FREM1: variants seen among roughly 807,000 people sequenced by gnomAD.
The protein encoded by FREM1 is FRAS1-related extracellular matrix protein 1.
Under a neutral mutation model 210.1 loss-of-function variants are expected in FREM1, and 220 were observed. That is an observed-to-expected ratio of 1.05 (90% CI 0.94 to 1.17). FREM1 has a LOEUF of 1.17. Among genes scored for constraint, FREM1 ranks in the 50% most tolerant of loss-of-function variants. The probability of loss-of-function intolerance (pLI) is 0.00; values close to 1 mark genes in which losing one functional copy is unlikely to be tolerated. For synonymous variants in FREM1, 1,189 were observed against 980.2 expected, an observed-to-expected ratio of 1.21 and a Z score of -3.98; for missense variants, 3,454 against 2,675.5, an observed-to-expected ratio of 1.29 and a Z score of -6.42.
chr9:14,761,805 G>T lies in FREM1; in HGVS notation c.5205-1904C>A, dbSNP rs527350019. On this transcript the variant is annotated intron_variant, in intron 27 of 36. Transcript: ENST00000380880. ...CACTCTGTAGCTGGCTTGGTTATCAGATTGACTGCCAGCCACAGTGTCACA... is the reference window on the plus strand; with the variant it reads ...CACTCTGTAGCTGGCTTGGTTATCATATTGACTGCCAGCCACAGTGTCACA... Among the ~76,000 whole-genome samples the T allele has an allele frequency of 3.3e-5, 5 of 152,272 alleles. No homozygotes were observed. The South Asian group carries it at 1.0e-3, about 32-fold the overall frequency.
intron 1 of FREM1, among the ~76,000 whole-genome samples, chr9:14,895,283 A>G (rs1837508208): frequency 6.6e-6 from 1 of 152,238 alleles, no homozygotes; most frequent in African/African-American, 2.4e-5. Flanking sequence ...AATCGGTCTT[A>G]CCATGACTTG....
At position 14,775,970 on chromosome 9, in the gene FREM1, C is replaced by G; in HGVS notation, c.4676G>C (p.Gly1559Ala). ...LPQHGQLYLWGTGLLQHNFTQ... is the reference protein window; with the variant it reads ...LPQHGQLYLWATGLLQHNFTQ... ...GAAATTGTGTTGAAGTAGCCCTGTC[C>G]CCCACAGGTAGAGCTGGCCATGCTG... Residue 1559 changes from glycine to alanine, a missense_variant, in exon 25 of 37, where the codon GGG becomes GCG. Physicochemically the swap from Gly to Ala is moderately conservative, Grantham distance 60 (BLOSUM62 0). Coordinates refer to ENST00000380880, the MANE Select transcript of FREM1 (RefSeq NM_001379081.2). 1 of 1,613,962 alleles carries G rather than the reference C, an allele frequency of 6.2e-7. No homozygotes were observed. Among genetic ancestry groups the G allele is most frequent in the African/African-American group, 1.3e-5 (1 of 75,028 alleles).
intron 6 of FREM1, 38 bp from the exon 7 acceptor site, chr9:14,848,811 G>A (rs1827149434): frequency 8.1e-7 from 1 of 1,236,390 alleles, no homozygotes; most frequent in African/African-American, 1.5e-5. Context: ...ACACACTGAA[G>A]CGTTACAGGG....
chr9:14,877,615 C>G lies in FREM1; in HGVS notation c.-267-8371G>C, dbSNP rs180783155. Among the ~76,000 whole-genome samples the G allele has an allele frequency of 3.9e-5, 6 of 152,162 alleles. No individual in the cohort carries two copies. The East Asian group carries it at 9.7e-4, about 25-fold the overall frequency. On this transcript the variant is annotated intron_variant, in intron 1 of 36. Coordinates refer to ENST00000380880, the MANE Select transcript of FREM1 (RefSeq NM_001379081.2). ...TACATTTTGTTATACAGGAGACTCT[C>G]TCGGCAGACTGGAACCAGGGGCTCT...
In FREM1 at chr9:14,761,509, G is replaced by A. The variant is rs574785427; in HGVS notation, c.5205-1608C>T. 3.9e-5 allele frequency among the ~76,000 whole-genome samples: 6 copies of A among 152,216 alleles called. No individual in the cohort carries two copies. In the East Asian group the frequency reaches 5.8e-4, roughly 15 times the overall value. ...TCTGATGCAACTGAATTTAAATCTC[G>A]CATGAAACAGATCAAGAAACAGAAA... On this transcript the variant is annotated intron_variant, in intron 27 of 36. Transcript: ENST00000380880.
Position 14,806,808 on chromosome 9 carries a change from G to C in FREM1, c.3127C>G (p.Leu1043Val), listed in dbSNP as rs1482447602. The C allele has an allele frequency of 3.1e-6, 5 of 1,607,466 alleles. No homozygotes were observed. The highest frequency in any genetic ancestry group is 4.2e-6 in the Non-Finnish European group (5 of 1,176,830). ...GTGGCGGACAAATGGTTAACAGTAA[G>C]GGCTGTTGAGCAGCCCTCATCTACA... Reference protein sequence around the residue: ...FVVDEGCSTALTVNHLSATDP... With the variant: ...FVVDEGCSTAVTVNHLSATDP... Residue 1043 changes from leucine to valine, a missense_variant, in exon 18 of 37, where the codon CTT becomes GTT. Leu to Val is a conservative substitution (Grantham distance 32, BLOSUM62 1). Transcript: ENST00000380880.
intron 31 of FREM1, 143 bp downstream of exon 31, chr9:14,748,258 G>T: frequency 1.6e-6 from 1 of 610,422 alleles, no homozygotes; most frequent in Non-Finnish European, 2.9e-6. Context: ...AGAAGGCACT[G>T]CATAACTGTG....
intron 21 of FREM1, among the ~76,000 whole-genome samples, chr9:14,796,719 T>C (rs930246333): frequency 6.6e-6 from 1 of 152,200 alleles, no homozygotes; most frequent in East Asian, 1.9e-4. Context: ...ACTGGGCACT[T>C]GTTTTTCTCT....
rs541802332 is a variant in FREM1 at position 14,794,382 on chromosome 9, T to C, written c.3840-1498A>G. 1.1e-4 allele frequency among the ~76,000 whole-genome samples: 17 copies of C among 152,278 alleles called. No individual in the cohort carries two copies. The East Asian group carries it at 2.7e-3, about 24-fold the overall frequency. On this transcript the variant is annotated intron_variant, in intron 21 of 36. Coordinates refer to ENST00000380880, the MANE Select transcript of FREM1 (RefSeq NM_001379081.2). ...TGGAGCATTTATCTTATCTACTAGC[T>C]CCCGAGGTTAAGGGCTGTCCCCAGA... is the stretch of plus-strand genomic sequence containing the variant.
chr9:14,773,488 T>C (rs1175222216), intron 25 of FREM1, among the ~76,000 whole-genome samples: 6 of 152,182 alleles, frequency 3.9e-5, no homozygotes, highest in Non-Finnish European at 7.4e-5. Context: ...CCTACACTGC[T>C]GGTGGGGTCA....
Position 14,848,771 on chromosome 9 carries a change from T to C in FREM1, c.1155A>G (p.Val385=). The change falls in exon 7 of 37, where the codon GTA becomes GTG. Residue 385 remains valine, a splice_region_variant and synonymous_variant. Coordinates refer to ENST00000380880, the MANE Select transcript of FREM1 (RefSeq NM_001379081.2). ...SSHSERRHDE[V]ELEVYDFFFE... ...AGAAGAAGTCGTATACCTCCAATTC[T>C]ACCTGTAAACAAACAGAGGCAAAGG... is the stretch of plus-strand genomic sequence containing the variant. 1.3e-6 allele frequency: 2 copies of C among 1,595,996 alleles called. No individual in the cohort carries two copies. The highest frequency in any genetic ancestry group is 1.1e-5 in the South Asian group (1 of 90,672).
rs1050685750 is a variant in FREM1 at position 14,748,780 on chromosome 9, C to G, written c.5558-141G>C. The G allele has an allele frequency of 9.8e-6, 6 of 614,440 alleles. No individual in the cohort carries two copies. In the African/African-American group the frequency reaches 1.1e-4, roughly 11 times the overall value. 38.1% of individuals were successfully genotyped at this position (614,440 alleles called of 1,614,324 possible). ...CCAGATGTTGCCTTTTTGCCATTTG[C>G]CAGAAACTCCTTTACTCTTCATCAG... On this transcript the variant is annotated intron_variant, in intron 30 of 36. Transcript: ENST00000380880.
intron 7 of FREM1, among the ~76,000 whole-genome samples, chr9:14,847,365 G>A (rs1826833470): frequency 7.1e-6 from 1 of 139,976 alleles, no homozygotes; most frequent in Non-Finnish European, 1.5e-5. Flanking sequence ...GGGAAATTGG[G>A]CTAATACATA....
chr9:14,755,092 G>C (rs183033277), intron 29 of FREM1, among the ~76,000 whole-genome samples: 1 of 152,144 alleles, frequency 6.6e-6, no homozygotes, highest in Non-Finnish European at 1.5e-5. Context: ...GCATGGAATC[G>C]ATTCAGAAGT....
chr9:14,770,458 G>A, intron 26 of FREM1, 147 bp downstream of exon 26: 1 of 613,982 alleles, frequency 1.6e-6, no homozygotes. Context: ...CCCTCTTTAG[G>A]AGCAATATTG....
At chr9:14,860,250 G>T (rs28413927) in intron 3 of FREM1, among the ~76,000 whole-genome samples, 1 of 151,890 alleles carries the variant, frequency 6.6e-6, no homozygotes, top group Non-Finnish European at 1.5e-5. Context: ...CAGGCATAAC[G>T]GGCTCAGGTA....
chr9:14,855,721 C>G (rs535763052), intron 5 of FREM1, among the ~76,000 whole-genome samples: 1 of 150,786 alleles, frequency 6.6e-6, no homozygotes. Flanking sequence ...TTATGACATG[C>G]CAAATAAGCT....
intron 1 of FREM1, among the ~76,000 whole-genome samples, chr9:14,882,961 G>C (rs1466124484): frequency 7.5e-6 from 1 of 133,134 alleles, no homozygotes; most frequent in Non-Finnish European, 1.6e-5. Context: ...AAGTTCCCCT[G>C]TCAGACCAAT....
intron 17 of FREM1, among the ~76,000 whole-genome samples, chr9:14,807,674 GACACACACAC>G (rs34499233): frequency 6.7e-6 from 1 of 149,626 alleles, no homozygotes; most frequent in Non-Finnish European, 1.5e-5. Context: ...CACACACAAA[GACACACACAC>G]ACACACACAC....
Sources: allele counts gnomAD v4.1 joint callset (sites outside exome capture counted in the v4.1 genomes callset), GRCh38; gene constraint gnomAD v4.1.1; transcripts MANE v1.5; gene names NCBI Gene and HGNC (gene_info 2026-07-23, HGNC 2026-07-21).